The following CACHD1 variants were observed in gnomAD, a reference collection of about 807,000 sequenced individuals.
CACHD1 encodes VWFA and cache domain-containing protein 1.
CACHD1 carries 71 observed loss-of-function variants against 138.7 expected under a neutral mutation model. That is an observed-to-expected ratio of 0.51 (90% CI 0.42 to 0.62). CACHD1 has a LOEUF of 0.62. Ranked by LOEUF, CACHD1 falls within the 20% of genes least tolerant of loss-of-function variation. CACHD1 has a pLI of 0.00. For missense variants in CACHD1, 1,389 were observed against 1,625.3 expected (o/e 0.85, Z 2.50); for synonymous variants, 578 against 591.5 (o/e 0.98, Z 0.33).
chr1:64,662,701 G>A (rs959392604), intron 13 of CACHD1, among the ~76,000 whole-genome samples: 1 of 152,154 alleles, frequency 6.6e-6, no homozygotes, highest in Non-Finnish European at 1.5e-5. Flanking sequence ...CGAAGATTTA[G>A]TGTTTTTGTT....
chr1:64,514,390 G>A (rs1245130989), intron 1 of CACHD1, among the ~76,000 whole-genome samples: 1 of 152,182 alleles, frequency 6.6e-6, no homozygotes, highest in African/African-American at 2.4e-5. Context: ...TTCAAGAGGT[G>A]TCCATATGGC....
At chr1:64,671,432 TG>T in intron 16 of CACHD1, 131 bp from the exon 17 acceptor site, 1 of 931,046 alleles carries the variant, frequency 1.1e-6, no homozygotes, top group Non-Finnish European at 1.7e-6. Context: ...TGATCATTTT[TG>T]TAGGTGGGAA....
chr1:64,621,341 CTT>C (rs1173515928), intron 4 of CACHD1, among the ~76,000 whole-genome samples: 1 of 152,066 alleles, frequency 6.6e-6, no homozygotes, highest in Admixed American at 6.6e-5. Context: ...ATAGTGCTGA[CTT>C]ATATCTTCTA....
At chr1:64,681,468 G>T in intron 25 of CACHD1, 133 bp downstream of exon 25, 61 of 376,234 alleles carry the variant, frequency 1.6e-4, no homozygotes, top group Non-Finnish European at 2.0e-4. Flanking sequence ...TTTTTTAGTT[G>T]TTTTTTTCCA....
chr1:64,678,812 G>T lies in CACHD1; in HGVS notation c.3244+502G>T, dbSNP rs140588350. On this transcript the variant is annotated intron_variant, in intron 23 of 26. Transcript: ENST00000651257. ...GGATGAAGCACAAGGACACCACAGG[G>T]TGGACAGCCCCTGGGATCAGTCTCC... Among the ~76,000 whole-genome samples the T allele has an allele frequency of 6.2e-3, 945 of 152,264 alleles. 6 individuals are homozygous for T. The highest frequency in any genetic ancestry group is 0.037 in the Middle Eastern group (11 of 294).
chr1:64,636,561 C>T (rs1648533228), intron 7 of CACHD1, among the ~76,000 whole-genome samples: 1 of 152,178 alleles, frequency 6.6e-6, no homozygotes, highest in African/African-American at 2.4e-5. Flanking sequence ...GTTCAACAAA[C>T]ATGAGCTCAC....
At chr1:64,480,460 A>C (rs913498619) in intron 1 of CACHD1, among the ~76,000 whole-genome samples, 6 of 152,188 alleles carry the variant, frequency 3.9e-5, no homozygotes, top group Non-Finnish European at 8.8e-5. Context: ...AGTTTGGCTT[A>C]ATGATTTAAT....
At chr1:64,559,840 AG>A (rs1320250906) in intron 2 of CACHD1, among the ~76,000 whole-genome samples, 2 of 151,762 alleles carry the variant, frequency 1.3e-5, no homozygotes, top group African/African-American at 2.4e-5. Flanking sequence ...ATATAGATAG[AG>A]TTTCTTATTT....
At chr1:64,515,748 G>A (rs189463315) in intron 1 of CACHD1, among the ~76,000 whole-genome samples, 21 of 152,212 alleles carry the variant, frequency 1.4e-4, no homozygotes, top group Admixed American at 9.8e-4. Context: ...CACTATTTGG[G>A]GATGCAGGTG....
Position 64,582,519 on chromosome 1 carries a change from A to T in CACHD1, c.410+215A>T, listed in dbSNP as rs1304656903. 3.3e-5 allele frequency among the ~76,000 whole-genome samples: 5 copies of T among 152,078 alleles called. No homozygotes were observed. The East Asian group carries it at 9.7e-4, about 29-fold the overall frequency. On this transcript the variant is annotated intron_variant, in intron 3 of 26. Coordinates refer to ENST00000651257, the MANE Select transcript of CACHD1 (RefSeq NM_020925.4). ...GGAAATTCCTGGACCCTCCCTACTCACCTTTTTCTCCTGATGAAATGCAAG... is the reference window on the plus strand; with the variant it reads ...GGAAATTCCTGGACCCTCCCTACTCTCCTTTTTCTCCTGATGAAATGCAAG...
intron 4 of CACHD1, among the ~76,000 whole-genome samples, chr1:64,608,324 C>G (rs957177550): frequency 2.0e-5 from 3 of 152,228 alleles, no homozygotes; most frequent in Admixed American, 6.5e-5. Flanking sequence ...TCAGAGTTCC[C>G]CCTTTTCCTC....
chr1:64,473,186 G>A (rs1360633747), intron 1 of CACHD1, among the ~76,000 whole-genome samples: 1 of 152,104 alleles, frequency 6.6e-6, no homozygotes, highest in Non-Finnish European at 1.5e-5. Flanking sequence ...ATGTGAAGTG[G>A]CTTCTCTCCT....
At chr1:64,678,131 A>G (rs773196868) in intron 22 of CACHD1, 28 bp from the exon 23 acceptor site, 8 of 1,605,918 alleles carry the variant, frequency 5.0e-6, no homozygotes, top group Middle Eastern at 3.4e-4. Context: ...ACTGCTTTAT[A>G]GAAGACTAAG....
At chr1:64,675,369 C>A in intron 19 of CACHD1, 32 bp from the exon 20 acceptor site, 1 of 1,525,090 alleles carries the variant, frequency 6.6e-7, no homozygotes. Flanking sequence ...GCATTGCTGT[C>A]TGTCATTTCT....
rs895518436 is a variant in CACHD1, at chr1:64,503,736, C to T, written c.198+32794C>T. Among the ~76,000 whole-genome samples the T allele has an allele frequency of 2.0e-5, 3 of 152,264 alleles. No individual in the cohort carries two copies. In the South Asian group the frequency reaches 6.2e-4, roughly 32 times the overall value. ...CAATTGTTTATATTTTGTAGAGCTT[C>T]TTTAGAGAATTAAATGTGAATAAGC... On this transcript the variant is annotated intron_variant, in intron 1 of 26. Coordinates refer to ENST00000651257, the MANE Select transcript of CACHD1 (RefSeq NM_020925.4).
chr1:64,487,524 C>T (rs901838567), intron 1 of CACHD1, among the ~76,000 whole-genome samples: 4 of 152,124 alleles, frequency 2.6e-5, no homozygotes, highest in African/African-American at 9.7e-5. Flanking sequence ...AGAGAGGTGA[C>T]ACCAATATTT....
chr1:64,615,828 A>G (rs989902625), intron 4 of CACHD1, among the ~76,000 whole-genome samples: 3 of 152,342 alleles, frequency 2.0e-5, no homozygotes, highest in South Asian at 2.1e-4. Flanking sequence ...GAAACCATCT[A>G]TGATGAGCCC....
intron 4 of CACHD1, among the ~76,000 whole-genome samples, chr1:64,603,712 T>C (rs7523449): frequency 0.99 from 151,372 of 152,302 alleles, 75,235 homozygotes; most frequent in Middle Eastern, 1. Context: ...CAGCTGAAGG[T>C]GGTGTTAATA....
chr1:64,491,395 C>T (rs1187420359), intron 1 of CACHD1, among the ~76,000 whole-genome samples: 1 of 151,976 alleles, frequency 6.6e-6, no homozygotes, highest in Non-Finnish European at 1.5e-5. Context: ...GCTGGGGAGG[C>T]CTCAGGAAAC....
Sources: allele counts gnomAD v4.1 joint callset (sites outside exome capture counted in the v4.1 genomes callset), GRCh38; gene constraint gnomAD v4.1.1; transcripts MANE v1.5; gene names NCBI Gene and HGNC (gene_info 2026-07-23, HGNC 2026-07-21).